BCL2L1: variants seen among roughly 807,000 people sequenced by gnomAD.
BCL2L1 encodes the protein BCL2 like 1.
In BCL2L1, 1 loss-of-function variant was observed where a neutral mutation model predicts 18.7. That is an observed-to-expected ratio of 0.05 (90% CI 0.02 to 0.25). The LOEUF (loss-of-function observed/expected upper bound fraction) is 0.25. BCL2L1 is among the 10% of genes least tolerant of loss of function. The probability of loss-of-function intolerance (pLI) is 1.00; values close to 1 mark genes in which losing one functional copy is unlikely to be tolerated. For synonymous variants in BCL2L1, 103 were observed against 122.7 expected (o/e 0.84, Z 1.06); for missense variants, 207 against 304.9 (o/e 0.68, Z 2.39).
intron 2 of BCL2L1, among the ~76,000 whole-genome samples, chr20:31,694,070 A>C (rs1211508662): frequency 1.3e-5 from 2 of 152,026 alleles, no homozygotes; most frequent in Admixed American, 1.3e-4. Flanking sequence ...GTGGGAGGGC[A>C]GGCAGCAGCT....
intron 2 of BCL2L1, among the ~76,000 whole-genome samples, chr20:31,697,531 G>T (rs1370096969): frequency 1.3e-5 from 2 of 151,776 alleles, no homozygotes; most frequent in African/African-American, 4.8e-5. Context: ...TCCACCTCCC[G>T]GGTTCATGCC....
At chr20:31,689,336 C>G (rs1369863863) in intron 2 of BCL2L1, among the ~76,000 whole-genome samples, 1 of 126,076 alleles carries the variant, frequency 7.9e-6, no homozygotes, top group Admixed American at 8.2e-5. Flanking sequence ...GCCTGTAATC[C>G]TACTAACACT....
chr20:31,715,991 A>C (rs1213907886), intron 2 of BCL2L1, among the ~76,000 whole-genome samples: 1 of 152,088 alleles, frequency 6.6e-6, no homozygotes, highest in African/African-American at 2.4e-5. Context: ...GACACACGCC[A>C]CCACCAATTC....
chr20:31,664,856 C>A lies in BCL2L1; in HGVS notation c.*1093G>T, dbSNP rs1457189941. On this transcript the variant is annotated 3_prime_UTR_variant, in exon 3 of 3. Transcript: ENST00000307677. ...GAGGGAGGCCTGAAGAGCTCCTGGC[C>A]AGGCCACTCTGGCCTTGGCAGCCTG... 1 of 221,058 alleles carries A rather than the reference C, an allele frequency of 4.5e-6. No homozygotes were observed. Among genetic ancestry groups the A allele is most frequent in the Non-Finnish European group, 9.1e-6 (1 of 110,006 alleles). The allele number at this position is 221,058 out of a possible 1,614,324, so 13.7% of individuals were successfully genotyped here.
At chr20:31,723,503 C>T (rs1432656796), upstream of BCL2L1, 3 of 985,420 alleles carry the variant, frequency 3.0e-6, no homozygotes, top group Non-Finnish European at 3.6e-6. Flanking sequence ...CGGCTGCGGC[C>T]TAGCGGCTTC....
chr20:31,679,334 G>A (rs562036364), intron 2 of BCL2L1, among the ~76,000 whole-genome samples: 26 of 152,284 alleles, frequency 1.7e-4, no homozygotes, highest in Admixed American at 3.3e-4. Flanking sequence ...ATTTCAGAGC[G>A]TCACAGAGAT....
intron 2 of BCL2L1, among the ~76,000 whole-genome samples, chr20:31,683,984 T>C (rs1029576131): frequency 6.6e-6 from 1 of 152,118 alleles, no homozygotes; most frequent in Admixed American, 6.6e-5. Context: ...ACACTGACTA[T>C]TAAAACAGAA....
chr20:31,704,104 C>CTTT (rs59803981), intron 2 of BCL2L1, among the ~76,000 whole-genome samples: 6 of 114,186 alleles, frequency 5.3e-5, no homozygotes, highest in African/African-American at 1.8e-4. Flanking sequence ...GGCCCTAAAC[C>CTTT]TTTTTTTTTT....
intron 2 of BCL2L1, among the ~76,000 whole-genome samples, chr20:31,702,460 A>T (rs182303581): frequency 1.3e-5 from 2 of 152,166 alleles, no homozygotes; most frequent in African/African-American, 4.8e-5. Flanking sequence ...GTGAAACCCC[A>T]TCTCTACTAA....
chr20:31,680,275 G>C (rs188139843), intron 2 of BCL2L1, among the ~76,000 whole-genome samples: 1 of 152,300 alleles, frequency 6.6e-6, no homozygotes, highest in East Asian at 1.9e-4. Context: ...ATTTTACTAA[G>C]ACCTTCTTTC....
At chr20:31,694,507 T>G (rs2061135830) in intron 2 of BCL2L1, among the ~76,000 whole-genome samples, 1 of 152,114 alleles carries the variant, frequency 6.6e-6, no homozygotes, top group Non-Finnish European at 1.5e-5. Context: ...GAGCTGCCTC[T>G]TGGAGGGCGG....
intron 2 of BCL2L1, chr20:31,686,164 T>C (rs1245450537): frequency 3.3e-5 from 5 of 152,236 alleles, no homozygotes; most frequent in Non-Finnish European, 7.3e-5. Flanking sequence ...GTTTTGTATA[T>C]GCCAGGCCCT....
chr20:31,690,061 C>G lies in BCL2L1; in HGVS notation c.565-23975G>C, dbSNP rs922324909. On this transcript the variant is annotated intron_variant, in intron 2 of 2. Coordinates refer to ENST00000307677, the MANE Select transcript of BCL2L1 (RefSeq NM_138578.3). ...AAGATGTGCTACCTCACAAGTAGCC[C>G]TGGAAATAGTCCTTGGATATTTTTA... is the stretch of plus-strand genomic sequence containing the variant. Among the ~76,000 whole-genome samples the G allele has an allele frequency of 2.0e-5, 3 of 152,136 alleles. No homozygotes were observed. The East Asian group carries it at 5.8e-4, about 29-fold the overall frequency.
chr20:31,715,413 C>T (rs1483162571), intron 2 of BCL2L1, among the ~76,000 whole-genome samples: 3 of 152,148 alleles, frequency 2.0e-5, no homozygotes, highest in Non-Finnish European at 4.4e-5. Flanking sequence ...TACCCTTTTC[C>T]CCTTTGCTGT....
chr20:31,696,832 G>A (rs2061178907), intron 2 of BCL2L1, among the ~76,000 whole-genome samples: 1 of 152,048 alleles, frequency 6.6e-6, no homozygotes, highest in African/African-American at 2.4e-5. Context: ...GAGGCGGGTG[G>A]ATCATCTGAG....
rs749320983 is a variant in BCL2L1 at position 31,666,071 on chromosome 20, G to A, written c.580C>T (p.Leu194Phe). The A allele has an allele frequency of 6.2e-7, 1 of 1,614,102 alleles. No individual in the cohort carries two copies. The highest frequency in any genetic ancestry group is 1.1e-5 in the South Asian group (1 of 91,086). Residue 194 changes from leucine (L) to phenylalanine (F), a missense_variant, in exon 3 of 3, where the codon CTC (leucine) becomes TTC (phenylalanine). Transcript: ENST00000307677. Reference sequence around the variant, plus strand: ...TCGGCTGCTGCATTGTTCCCATAGAGTTCCACAAAAGTATCCTGCAGGGAG... The same window carrying A: ...TCGGCTGCTGCATTGTTCCCATAGAATTCCACAAAAGTATCCTGCAGGGAG... ...ENGGWDTFVE[L>F]YGNNAAAESR...
chr20:31,723,252 T>C (rs1273510315), upstream of BCL2L1: 3 of 982,836 alleles, frequency 3.1e-6, no homozygotes, highest in Non-Finnish European at 3.6e-6. Flanking sequence ...AACGTGGCAG[T>C]TGGGGATTGC....
At chr20:31,695,561 G>T (rs1290991585) in intron 2 of BCL2L1, among the ~76,000 whole-genome samples, 1 of 152,212 alleles carries the variant, frequency 6.6e-6, no homozygotes, top group East Asian at 1.9e-4. Context: ...CAAACTCCTG[G>T]ATTTAAGCCA....
At chr20:31,702,678 T>C (rs548270098) in intron 2 of BCL2L1, among the ~76,000 whole-genome samples, 9 of 151,368 alleles carry the variant, frequency 5.9e-5, no homozygotes, top group Non-Finnish European at 1.2e-4. Flanking sequence ...CAAGCCTGGC[T>C]AATTTTGTAT....
Sources: gnomAD v4.1 joint callset for allele counts (sites outside exome capture counted in the v4.1 genomes callset) on GRCh38, gnomAD v4.1.1 for gene constraint, MANE v1.5 for transcripts, NCBI Gene and HGNC (gene_info 2026-07-23, HGNC 2026-07-21) for gene names.